Variants in YTHDC2 observed in about 807,000 individuals in gnomAD.
YTHDC2 encodes the protein 3'-5' RNA helicase YTHDC2.
YTHDC2 carries 45 observed loss-of-function variants against 174.9 expected under a neutral mutation model. The ratio of observed to expected loss-of-function variants is 0.26; its 90% CI spans 0.20 to 0.33. YTHDC2 has a LOEUF of 0.33. YTHDC2 is among the 10% of genes least tolerant of loss of function. The pLI is 1.00. For synonymous variants in YTHDC2, 657 were observed against 574.5 expected (o/e 1.14, Z -2.05); for missense variants, 1,650 against 1,723.7 (o/e 0.96, Z 0.76).
At chr5:113,586,495 G>C (rs1006640451) in intron 26 of YTHDC2, among the ~76,000 whole-genome samples, 4 of 151,874 alleles carry the variant, frequency 2.6e-5, no homozygotes, top group Non-Finnish European at 5.9e-5. Context: ...CTTTTGAAGA[G>C]CAAATGTTTT....
intron 18 of YTHDC2, among the ~76,000 whole-genome samples, chr5:113,562,608 C>T (rs2112714292): frequency 6.6e-6 from 1 of 152,260 alleles, no homozygotes; most frequent in Non-Finnish European, 1.5e-5. Context: ...TCTCTTACAC[C>T]ATTGGTTTTA....
intron 2 of YTHDC2, among the ~76,000 whole-genome samples, chr5:113,522,533 T>TA (rs1379280355): frequency 3.3e-5 from 5 of 152,192 alleles, no homozygotes; most frequent in Admixed American, 6.5e-5. Context: ...ACCTTTTATT[T>TA]AAAAAACTCT....
At position 113,553,625 on chromosome 5, in the gene YTHDC2, A is replaced by G. The variant is rs1165436311; in HGVS notation, c.1903A>G (p.Ile635Val). The change falls in exon 14 of 30, where the codon ATT (isoleucine) becomes GTT (valine). Residue 635 changes from isoleucine (I) to valine (V), a missense_variant. Coordinates refer to ENST00000161863, the MANE Select transcript of YTHDC2 (RefSeq NM_022828.5). The stretch of plus-strand genomic sequence containing the variant: ...AATTTTTCTGCCTGGATATGACGAA[A>G]TTGTTGGACTGAGAGATCGCATCCT... Reference protein sequence around the residue: ...VLIFLPGYDEIVGLRDRILFD... With the variant: ...VLIFLPGYDEVVGLRDRILFD... The G allele has an allele frequency of 1.2e-6, 2 of 1,613,514 alleles. No individual in the cohort carries two copies. The highest frequency in any genetic ancestry group is 1.7e-6 in the Non-Finnish European group (2 of 1,179,562).
intron 16 of YTHDC2, 51 bp from the exon 17 acceptor site, chr5:113,556,001 C>A (rs1326542265): frequency 8.7e-7 from 1 of 1,145,140 alleles, no homozygotes; most frequent in South Asian, 1.4e-5. Context: ...CTTGCTATTA[C>A]CTTTTAAATA....
chr5:113,515,249 T>C, intron 1 of YTHDC2, 23 bp from the exon 2 acceptor site: 1 of 1,583,850 alleles, frequency 6.3e-7, no homozygotes, highest in Non-Finnish European at 8.6e-7. Context: ...CAAATTTTAC[T>C]ACTTTGTTTT....
intron 20 of YTHDC2, among the ~76,000 whole-genome samples, chr5:113,564,824 G>A (rs914431990): frequency 6.6e-6 from 1 of 151,938 alleles, no homozygotes; most frequent in Non-Finnish European, 1.5e-5. Flanking sequence ...TTTTTTTGTT[G>A]TTGTTTTTTG....
intron 26 of YTHDC2, among the ~76,000 whole-genome samples, chr5:113,589,408 A>AAAAATATATATATATATATATATATAT (rs368975720): frequency 1.6e-5 from 2 of 123,240 alleles, no homozygotes; most frequent in African/African-American, 6.8e-5. Context: ...AAAAAAAAAA[A>AAAAATATATATATATATATATATATAT]ATATATATAT....
chr5:113,566,165 A>G (rs1777314983), intron 21 of YTHDC2, 146 bp downstream of exon 21: 2 of 982,346 alleles, frequency 2.0e-6, no homozygotes, highest in Non-Finnish European at 2.8e-6. Context: ...TGATTTGTAG[A>G]CTTCGATATG....
intron 16 of YTHDC2, among the ~76,000 whole-genome samples, chr5:113,555,758 T>C (rs374289982): frequency 1.3e-5 from 2 of 152,194 alleles, no homozygotes; most frequent in Admixed American, 6.5e-5. Flanking sequence ...TGATGTCTTA[T>C]GAGAACTGGC....
chr5:113,577,543 T>A (rs537704080), intron 23 of YTHDC2, among the ~76,000 whole-genome samples: 21 of 152,236 alleles, frequency 1.4e-4, no homozygotes, highest in Non-Finnish European at 3.1e-4. Flanking sequence ...CTAATGTTCA[T>A]ATTTTTTGTA....
At chr5:113,530,537 A>G (rs1235052988) in intron 4 of YTHDC2, among the ~76,000 whole-genome samples, 1 of 152,196 alleles carries the variant, frequency 6.6e-6, no homozygotes, top group East Asian at 1.9e-4. Flanking sequence ...TACCTTAAAT[A>G]ACAAAATAAC....
rs758582529 is a variant in YTHDC2, at chr5:113,542,455, G to A, written c.1447G>A (p.Asp483Asn). The A allele has an allele frequency of 6.2e-7, 1 of 1,612,550 alleles. No individual in the cohort carries two copies. The highest frequency in any genetic ancestry group is 1.1e-5 in the South Asian group (1 of 90,464). The part of the protein sequence containing the change: ...LSDIWLHKDI[D>N]AFAQVFHLIL... ...TGATATATGGCTACATAAAGATATT[G>A]ATGCCTTTGCTCAGGTCTTTCATCT... Residue 483 changes from aspartate to asparagine, a missense_variant, in exon 10 of 30, where the codon GAT becomes AAT. Transcript: ENST00000161863.
intron 17 of YTHDC2, among the ~76,000 whole-genome samples, chr5:113,559,579 A>G (rs557927593): frequency 6.6e-6 from 1 of 152,320 alleles, no homozygotes; most frequent in South Asian, 2.1e-4. Context: ...GTTGAAGAGG[A>G]CCAACAATTA....
chr5:113,521,457 G>A lies in YTHDC2; in HGVS notation c.279-3524G>A, dbSNP rs552369540. 3.5e-3 allele frequency among the ~76,000 whole-genome samples: 531 copies of A among 152,246 alleles called. 6 individuals carry two copies. The highest frequency in any genetic ancestry group is 0.012 in the African/African-American group (512 of 41,536). The stretch of plus-strand genomic sequence containing the variant: ...TTAAGACCAGAAAAATAGGCTGGGC[G>A]CAGTGGCTCATGCTGGTAATCCCAG... On this transcript the variant is annotated intron_variant, in intron 2 of 29. Transcript: ENST00000161863.
chr5:113,575,340 T>A (rs1777974114), intron 23 of YTHDC2, among the ~76,000 whole-genome samples: 1 of 152,258 alleles, frequency 6.6e-6, no homozygotes, highest in South Asian at 2.1e-4. Flanking sequence ...AGTGTGTGTC[T>A]GTCCTTAGGA....
At position 113,581,457 on chromosome 5, in the gene YTHDC2, G is replaced by A; in HGVS notation, c.3395G>A (p.Ser1132Asn). 1 of 1,612,784 alleles carries A rather than the reference G, an allele frequency of 6.2e-7. No individual in the cohort carries two copies. The highest frequency in any genetic ancestry group is 8.5e-7 in the Non-Finnish European group (1 of 1,179,520). ...CTGCAGCTCAGACAGAAGTGGCATA[G>A]CTTATTTTTACGCCGAATGAGAGCT... Reference protein sequence around the residue: ...LLLQLRQKWHSLFLRRMRAPS... With the variant: ...LLLQLRQKWHNLFLRRMRAPS... The change falls in exon 25 of 30, where the codon AGC becomes AAC. Residue 1132 changes from serine (S) to asparagine (N), a missense_variant. Physicochemically the swap from Ser to Asn is conservative, Grantham distance 46. This residue lies in a region of YTHDC2 where 913 missense variants were observed against 940.4 expected (regional missense o/e 0.97). Transcript: ENST00000161863.
chr5:113,573,598 A>G (rs1490311658), intron 23 of YTHDC2, among the ~76,000 whole-genome samples: 2 of 151,882 alleles, frequency 1.3e-5, no homozygotes, highest in Non-Finnish European at 2.9e-5. Context: ...TCTTTCAGCT[A>G]CCCCAGTCAG....
chr5:113,563,780 T>A, intron 19 of YTHDC2, 79 bp from the exon 20 acceptor site: 1 of 1,481,406 alleles, frequency 6.8e-7, no homozygotes, highest in African/African-American at 1.4e-5. Flanking sequence ...TTCTTATTTC[T>A]CATTTAGGGG....
intron 23 of YTHDC2, among the ~76,000 whole-genome samples, chr5:113,575,857 T>C (rs2112771355): frequency 6.6e-6 from 1 of 152,252 alleles, no homozygotes; most frequent in Non-Finnish European, 1.5e-5. Flanking sequence ...AACAAGATGA[T>C]GGCTCAGATA....
Sources: gnomAD v4.1 joint callset for allele counts (sites outside exome capture counted in the v4.1 genomes callset) on GRCh38, gnomAD v4.1.1 for gene constraint, gnomAD v4.1.1 regional missense constraint, MANE v1.5 for transcripts, NCBI Gene and HGNC (gene_info 2026-07-23, HGNC 2026-07-21) for gene names.